RAB3C: variants seen among roughly 807,000 people sequenced by gnomAD.
The protein encoded by RAB3C is ras-related protein Rab-3C.
RAB3C carries 17 observed loss-of-function variants against 26.4 expected under a neutral mutation model. The observed-to-expected ratio is 0.64, with a 90% CI of 0.44 to 0.97. The LOEUF (loss-of-function observed/expected upper bound fraction) is 0.97, where lower values mean the gene tolerates loss of function less well. Ranked by LOEUF, RAB3C falls within the 50% of genes least tolerant of loss-of-function variation. The pLI, the probability that RAB3C is intolerant of heterozygous loss-of-function variation, is 0.00. For synonymous variants in RAB3C, 91 were observed against 95.9 expected (o/e 0.95, Z 0.30); for missense variants, 242 against 281.9 (o/e 0.86, Z 1.01).
chr5:58,681,621 G>T (rs893210292), intron 2 of RAB3C, among the ~76,000 whole-genome samples: 13 of 152,202 alleles, frequency 8.5e-5, no homozygotes, highest in African/African-American at 3.1e-4. Flanking sequence ...ACTGCCTTGA[G>T]CCACAGTGAA....
intron 2 of RAB3C, among the ~76,000 whole-genome samples, chr5:58,724,875 T>C (rs576675827): frequency 6.6e-6 from 1 of 152,008 alleles, no homozygotes; most frequent in East Asian, 1.9e-4. Context: ...TATTACAATT[T>C]ACATATATTT....
intron 2 of RAB3C, among the ~76,000 whole-genome samples, chr5:58,657,885 A>C (rs1747817271): frequency 6.6e-6 from 1 of 152,216 alleles, no homozygotes; most frequent in Non-Finnish European, 1.5e-5. Context: ...TAAATTATGG[A>C]AAGTATTCAA....
At chr5:58,636,228 A>G (rs1579829669) in intron 2 of RAB3C, among the ~76,000 whole-genome samples, 1 of 152,218 alleles carries the variant, frequency 6.6e-6, no homozygotes, top group East Asian at 1.9e-4. Flanking sequence ...TCTTCCTGGT[A>G]TCCCAATTTC....
intron 2 of RAB3C, among the ~76,000 whole-genome samples, chr5:58,688,585 A>C (rs1748495162): frequency 2.0e-5 from 3 of 152,144 alleles, no homozygotes; most frequent in Admixed American, 2.0e-4. Context: ...CAACTCTCCT[A>C]AGAACATGTC....
upstream of RAB3C, among the ~76,000 whole-genome samples, chr5:58,582,648 A>G (rs756167992): frequency 8.5e-5 from 13 of 152,116 alleles, no homozygotes; most frequent in Non-Finnish European, 1.5e-5. Flanking sequence ...AACTTTCCCG[A>G]TTCGGATGGG....
intron 1 of RAB3C, among the ~76,000 whole-genome samples, chr5:58,593,591 A>C (rs528153787): frequency 1.2e-4 from 19 of 152,252 alleles, no homozygotes; most frequent in African/African-American, 4.3e-4. Flanking sequence ...TACTTTTTGA[A>C]ATTTTAACAA....
At position 58,617,726 on chromosome 5, in the gene RAB3C, C is replaced by T. The variant is rs774105074; in HGVS notation, c.108C>T (p.Ile36=). Reference sequence around the variant, plus strand: ...ACTACATGTTCAAATTACTCATCATCGGCAATAGCAGTGTGGGGAAAACAT... The same window carrying T: ...ACTACATGTTCAAATTACTCATCATTGGCAATAGCAGTGTGGGGAAAACAT... ...NFDYMFKLLI[I]GNSSVGKTSF... is the part of the protein sequence containing the mutation. Residue 36 remains isoleucine, a synonymous_variant, in exon 2 of 5, where the codon ATC becomes ATT. Coordinates refer to ENST00000282878, the MANE Select transcript of RAB3C (RefSeq NM_138453.4). The T allele has an allele frequency of 9.9e-6, 16 of 1,613,806 alleles. No individual in the cohort carries two copies. The highest frequency in any genetic ancestry group is 4.5e-5 in the East Asian group (2 of 44,888).
At chr5:58,599,785 C>G (rs1746410503) in intron 1 of RAB3C, among the ~76,000 whole-genome samples, 1 of 151,580 alleles carries the variant, frequency 6.6e-6, no homozygotes, top group Non-Finnish European at 1.5e-5. Context: ...AAGATTTTCT[C>G]CCACTCTGTG....
intron 3 of RAB3C, among the ~76,000 whole-genome samples, chr5:58,727,381 A>G (rs1302778441): frequency 1.3e-5 from 2 of 152,054 alleles, no homozygotes; most frequent in African/African-American, 4.8e-5. Flanking sequence ...TTTAAGATGT[A>G]TATGAAAACA....
intron 2 of RAB3C, among the ~76,000 whole-genome samples, chr5:58,682,696 GAA>G (rs548127913): frequency 8.7e-4 from 64 of 73,918 alleles, no homozygotes; most frequent in South Asian, 4.1e-3. Flanking sequence ...AAAGAAAAAA[GAA>G]AAAAAAAAAA....
rs1261687376 is a variant in RAB3C at position 58,846,437 on chromosome 5, T to C, written c.497-4727T>C. ...CTCTGTCACCCAGGCTGGAGTGCAG[T>C]GACGTGAACACTGCTCACTGCAGCC... On this transcript the variant is annotated intron_variant, in intron 4 of 4. Coordinates refer to ENST00000282878, the MANE Select transcript of RAB3C (RefSeq NM_138453.4). 4.6e-5 allele frequency among the ~76,000 whole-genome samples: 7 copies of C among 152,130 alleles called. No individual in the cohort carries two copies. In the East Asian group the frequency reaches 1.4e-3, roughly 29 times the overall value.
intron 3 of RAB3C, chr5:58,823,377 AC>A: frequency 5.7e-6 from 1 of 176,944 alleles, no homozygotes; most frequent in Non-Finnish European, 1.2e-5. Context: ...TATAAAAATT[AC>A]CCAGGCATGG....
intron 4 of RAB3C, among the ~76,000 whole-genome samples, chr5:58,831,130 A>G (rs1363139526): frequency 6.6e-6 from 1 of 151,900 alleles, no homozygotes; most frequent in Non-Finnish European, 1.5e-5. Flanking sequence ...CTCCCACTCT[A>G]CTTTAGCCTC....
intron 2 of RAB3C, among the ~76,000 whole-genome samples, chr5:58,705,277 C>G (rs1161753295): frequency 2.6e-5 from 4 of 152,104 alleles, no homozygotes; most frequent in Non-Finnish European, 4.4e-5. Flanking sequence ...GGCAAAGCAA[C>G]CTTTACCTTC....
At chr5:58,596,782 A>G (rs1392414426) in intron 1 of RAB3C, among the ~76,000 whole-genome samples, 1 of 104,086 alleles carries the variant, frequency 9.6e-6, no homozygotes, top group East Asian at 2.9e-4. Context: ...TATAATACAT[A>G]ATATATTATA....
chr5:58,765,121 C>T (rs944015641), intron 3 of RAB3C, among the ~76,000 whole-genome samples: 2 of 152,056 alleles, frequency 1.3e-5, no homozygotes, highest in Admixed American at 6.6e-5. Flanking sequence ...AGAATCAGAT[C>T]GAACAACTGA....
At chr5:58,638,872 G>GC (rs1212138054) in intron 2 of RAB3C, among the ~76,000 whole-genome samples, 2 of 152,178 alleles carry the variant, frequency 1.3e-5, no homozygotes, top group African/African-American at 4.8e-5. Context: ...AGGTTCCTTG[G>GC]CCTGCATCTG....
intron 2 of RAB3C, among the ~76,000 whole-genome samples, chr5:58,700,147 T>C (rs938180005): frequency 2.6e-5 from 4 of 152,168 alleles, no homozygotes; most frequent in Non-Finnish European, 5.9e-5. Flanking sequence ...GTAGACCCCA[T>C]CTATACAATT....
At chr5:58,763,984 G>T (rs1344034696) in intron 3 of RAB3C, among the ~76,000 whole-genome samples, 1 of 152,026 alleles carries the variant, frequency 6.6e-6, no homozygotes, top group African/African-American at 2.4e-5. Flanking sequence ...CTAAATGAAG[G>T]TTATCATGTT....
Sources: allele counts gnomAD v4.1 joint callset (sites outside exome capture counted in the v4.1 genomes callset), GRCh38; gene constraint gnomAD v4.1.1; transcripts MANE v1.5; gene names NCBI Gene and HGNC (gene_info 2026-07-23, HGNC 2026-07-21).